The following ACMSD variants were observed in gnomAD, a reference collection of about 807,000 sequenced individuals.
ACMSD encodes 2-amino-3-carboxymuconate-6-semialdehyde decarboxylase.
ACMSD carries 37 observed loss-of-function variants against 45.9 expected under a neutral mutation model. The ratio of observed to expected loss-of-function variants is 0.81; its 90% CI spans 0.62 to 1.06. ACMSD has a LOEUF of 1.06. Among genes scored for constraint, ACMSD ranks in the 50% least tolerant of loss-of-function variants. ACMSD has a pLI of 0.00. For synonymous variants in ACMSD, 138 were observed against 148.8 expected, an observed-to-expected ratio of 0.93 and a Z score of 0.53; for missense variants, 434 against 420.9, an observed-to-expected ratio of 1.03 and a Z score of -0.27.
chr2:134,867,646 C>T lies in ACMSD; in HGVS notation c.554C>T (p.Ala185Val). The T allele has an allele frequency of 6.2e-7, 1 of 1,613,642 alleles. No individual in the cohort carries two copies. The highest frequency in any genetic ancestry group is 8.5e-7 in the Non-Finnish European group (1 of 1,179,726). The change falls in exon 6 of 10, where the codon GCC (alanine) becomes GTC (valine). Residue 185 changes from alanine (A) to valine (V), a missense_variant. Ala to Val is a moderately conservative substitution (Grantham distance 64). Transcript: ENST00000356140. ...GACATGCAGATGGATGGACGAATGG[C>T]CAAATACTGGCTCCCTTGGCTTGTA... ...PWDMQMDGRM[A>V]KYWLPWLVGM...
intron 8 of ACMSD, chr2:134,873,750 T>G (rs1235336783): frequency 1.3e-5 from 2 of 152,228 alleles, no homozygotes; most frequent in Non-Finnish European, 2.9e-5. Flanking sequence ...AGCTTTTGTG[T>G]CACCCCTGCA....
At chr2:134,900,334 G>A (rs1690425097) in intron 9 of ACMSD, among the ~76,000 whole-genome samples, 1 of 151,944 alleles carries the variant, frequency 6.6e-6, no homozygotes, top group South Asian at 2.1e-4. Context: ...CTTTGCCCAG[G>A]GTCTCCATGC....
At chr2:134,876,570 A>G (rs1004178500) in intron 8 of ACMSD, among the ~76,000 whole-genome samples, 1 of 152,166 alleles carries the variant, frequency 6.6e-6, no homozygotes, top group Non-Finnish European at 1.5e-5. Flanking sequence ...GGTCAATAAC[A>G]CAGCTGGAGC....
chr2:134,896,598 G>A (rs1374292), intron 8 of ACMSD, among the ~76,000 whole-genome samples: 90,740 of 151,996 alleles, frequency 0.6, 29,016 homozygotes, highest in Middle Eastern at 0.91. Context: ...AAAAACTACA[G>A]TGAGATACCA....
chr2:134,886,248 T>TA (rs201281072), intron 8 of ACMSD, among the ~76,000 whole-genome samples: 4,082 of 118,366 alleles, frequency 0.034, 81 homozygotes, highest in African/African-American at 0.081. Context: ...TTATTATTAT[T>TA]TTTTTTTTTT....
intron 8 of ACMSD, among the ~76,000 whole-genome samples, chr2:134,879,023 C>T (rs1688898507): frequency 6.6e-6 from 1 of 152,238 alleles, no homozygotes; most frequent in South Asian, 2.1e-4. Flanking sequence ...GAGGTTATAA[C>T]AAAGACATTA....
intron 8 of ACMSD, among the ~76,000 whole-genome samples, chr2:134,885,346 TATA>T (rs1409281019): frequency 0.015 from 1,583 of 106,034 alleles, 43 homozygotes; most frequent in African/African-American, 0.056. Flanking sequence ...TATATTTATA[TATA>T]ATATATATTT....
chr2:134,899,328 G>A (rs1046548911), intron 9 of ACMSD, among the ~76,000 whole-genome samples: 1 of 152,070 alleles, frequency 6.6e-6, no homozygotes, highest in African/African-American at 2.4e-5. Flanking sequence ...CTAGTTACAA[G>A]TTATTAACTG....
rs73962618 is a variant in ACMSD, at chr2:134,856,113, A to T, written c.103-3148A>T. On this transcript the variant is annotated intron_variant, in intron 2 of 9. Transcript: ENST00000356140. Reference sequence around the variant, plus strand: ...ACACTTATGTGTCAGATACTCCACTAAGCGCTTTATATGGATTATCTTATT... The same window carrying T: ...ACACTTATGTGTCAGATACTCCACTTAGCGCTTTATATGGATTATCTTATT... Among the ~76,000 whole-genome samples, 803 of 152,290 alleles carry T rather than the reference A, an allele frequency of 5.3e-3. 10 individuals are homozygous for T. Among genetic ancestry groups the T allele is most frequent in the African/African-American group, 0.018 (767 of 41,560 alleles).
At chr2:134,886,885 C>T (rs1166841836) in intron 8 of ACMSD, among the ~76,000 whole-genome samples, 1 of 152,108 alleles carries the variant, frequency 6.6e-6, no homozygotes, top group Non-Finnish European at 1.5e-5. Context: ...TAATAAGTGG[C>T]TTTAGCAAGA....
chr2:134,887,559 A>AT (rs1220518900), intron 8 of ACMSD, among the ~76,000 whole-genome samples: 2 of 152,134 alleles, frequency 1.3e-5, no homozygotes, highest in Non-Finnish European at 2.9e-5. Context: ...ATGCACCACC[A>AT]TACCTGGCTA....
chr2:134,866,537 C>T (rs1248880133), intron 5 of ACMSD, among the ~76,000 whole-genome samples: 3 of 152,204 alleles, frequency 2.0e-5, no homozygotes, highest in African/African-American at 4.8e-5. Context: ...CTTTCTTCAA[C>T]TTACCCTTTT....
At chr2:134,883,978 T>C (rs1391779746) in intron 8 of ACMSD, among the ~76,000 whole-genome samples, 1 of 152,206 alleles carries the variant, frequency 6.6e-6, no homozygotes, top group East Asian at 1.9e-4. Flanking sequence ...AAAAATTTCA[T>C]TTCCAATTTT....
intron 2 of ACMSD, among the ~76,000 whole-genome samples, chr2:134,857,522 T>C (rs1687638770): frequency 6.6e-6 from 1 of 152,100 alleles, no homozygotes; most frequent in Non-Finnish European, 1.5e-5. Context: ...TGGGCTTTTA[T>C]ATATCAATTT....
At chr2:134,883,340 G>A (rs776955661) in intron 8 of ACMSD, among the ~76,000 whole-genome samples, 28 of 151,986 alleles carry the variant, frequency 1.8e-4, no homozygotes, top group Non-Finnish European at 2.9e-4. Flanking sequence ...TAAGATGTGA[G>A]GACAGCTTTG....
intron 8 of ACMSD, among the ~76,000 whole-genome samples, chr2:134,878,607 G>A (rs1688878351): frequency 6.6e-6 from 1 of 152,312 alleles, no homozygotes; most frequent in East Asian, 1.9e-4. Context: ...GATTACAGGT[G>A]TGAGCCACTG....
At chr2:134,886,540 C>T (rs2104935254) in intron 8 of ACMSD, among the ~76,000 whole-genome samples, 1 of 152,070 alleles carries the variant, frequency 6.6e-6, no homozygotes, top group East Asian at 1.9e-4. Context: ...TGAGCCACTG[C>T]GCCCGGCCCA....
At chr2:134,874,541 G>A (rs1317661618) in intron 8 of ACMSD, among the ~76,000 whole-genome samples, 2 of 152,138 alleles carry the variant, frequency 1.3e-5, no homozygotes, top group African/African-American at 4.8e-5. Flanking sequence ...ATGCCGTGGA[G>A]GGAGGTCTCT....
chr2:134,867,159 C>T (rs563895177), intron 5 of ACMSD, among the ~76,000 whole-genome samples: 3 of 152,238 alleles, frequency 2.0e-5, no homozygotes, highest in Non-Finnish European at 4.4e-5. Context: ...AGGATACAAT[C>T]TCAGCAGTCC....
Sources: allele counts gnomAD v4.1 joint callset (sites outside exome capture counted in the v4.1 genomes callset), GRCh38; gene constraint gnomAD v4.1.1; transcripts MANE v1.5; gene names NCBI Gene and HGNC (gene_info 2026-07-23, HGNC 2026-07-21).